The following TBC1D22A variants were observed in gnomAD, a reference collection of about 807,000 sequenced individuals.
TBC1D22A encodes putative GTPase activator.
In TBC1D22A, 38 loss-of-function variants were observed where a neutral mutation model predicts 60.2. The observed-to-expected ratio is 0.63, with a 90% CI of 0.49 to 0.83. TBC1D22A has a LOEUF of 0.83. Among genes scored for constraint, TBC1D22A ranks in the 40% least tolerant of loss-of-function variants. The pLI, the probability that TBC1D22A is intolerant of heterozygous loss-of-function variation, is 0.00. For synonymous variants in TBC1D22A, 302 were observed against 281.7 expected, an observed-to-expected ratio of 1.07 and a Z score of -0.72; for missense variants, 628 against 701.0, an observed-to-expected ratio of 0.90 and a Z score of 1.18.
intron 8 of TBC1D22A, among the ~76,000 whole-genome samples, chr22:46,954,202 C>G (rs2073067784): frequency 6.6e-6 from 1 of 152,210 alleles, no homozygotes; most frequent in African/African-American, 2.4e-5. Flanking sequence ...GGCCCCAGCC[C>G]CAGTCCCGCT....
intron 12 of TBC1D22A, among the ~76,000 whole-genome samples, chr22:47,122,272 C>T (rs2066297866): frequency 6.6e-6 from 1 of 152,170 alleles, no homozygotes; most frequent in African/African-American, 2.4e-5. Context: ...CTGTGCATTC[C>T]CTTTGGCTGA....
At chr22:46,812,160 G>A (rs1016125970) in intron 4 of TBC1D22A, among the ~76,000 whole-genome samples, 9 of 152,180 alleles carry the variant, frequency 5.9e-5, no homozygotes, top group Admixed American at 4.6e-4. Context: ...TGGAAGTGAC[G>A]TGGGGGTGAC....
At chr22:46,920,187 C>G (rs1371699653) in intron 8 of TBC1D22A, among the ~76,000 whole-genome samples, 2 of 152,122 alleles carry the variant, frequency 1.3e-5, no homozygotes, top group African/African-American at 4.8e-5. Context: ...TTAAGTGATG[C>G]TCCTACCTCA....
chr22:47,139,508 C>T lies in TBC1D22A; in HGVS notation c.1425+27905C>T, dbSNP rs141497553. Among the ~76,000 whole-genome samples, 399 of 152,356 alleles carry T rather than the reference C, an allele frequency of 2.6e-3. 2 individuals are homozygous for T. The highest frequency in any genetic ancestry group is 9.2e-3 in the African/African-American group (381 of 41,588). On this transcript the variant is annotated intron_variant, in intron 12 of 12. Coordinates refer to ENST00000337137, the MANE Select transcript of TBC1D22A (RefSeq NM_014346.5). ...GGCTCTGGTCTCCACCCAGCTCCTG[C>T]GTTCCCTCCTGTACATTGAGCAGAG...
At chr22:47,081,816 G>C (rs573036575) in intron 11 of TBC1D22A, among the ~76,000 whole-genome samples, 7,857 of 152,190 alleles carry the variant, frequency 0.052, 204 homozygotes, top group South Asian at 0.083. Context: ...CTAAACATAT[G>C]GTGAGATATA....
chr22:47,170,642 A>G (rs2068398507), intron 12 of TBC1D22A, among the ~76,000 whole-genome samples: 1 of 150,672 alleles, frequency 6.6e-6, no homozygotes, highest in Non-Finnish European at 1.5e-5. Flanking sequence ...GACCGGAGAG[A>G]GGACAGTCCT....
intron 10 of TBC1D22A, among the ~76,000 whole-genome samples, chr22:47,002,037 A>G (rs1322629454): frequency 6.6e-6 from 1 of 152,204 alleles, no homozygotes; most frequent in African/African-American, 2.4e-5. Context: ...ATTTCTATTA[A>G]TTGTCAATCT....
At chr22:46,863,607 C>G (rs538749207) in intron 4 of TBC1D22A, among the ~76,000 whole-genome samples, 1 of 152,248 alleles carries the variant, frequency 6.6e-6, no homozygotes, top group East Asian at 1.9e-4. Context: ...GGTCATCGTG[C>G]TTATCCCAAT....
At chr22:47,135,506 C>T (rs771221253) in intron 12 of TBC1D22A, among the ~76,000 whole-genome samples, 5 of 152,122 alleles carry the variant, frequency 3.3e-5, no homozygotes, top group Non-Finnish European at 7.4e-5. Flanking sequence ...ACACTTGGTG[C>T]CTTGGGCACT....
At chr22:46,825,984 G>A (rs894126028) in intron 4 of TBC1D22A, among the ~76,000 whole-genome samples, 4 of 150,726 alleles carry the variant, frequency 2.7e-5, no homozygotes, top group African/African-American at 7.3e-5. Flanking sequence ...CCGGGTTCAC[G>A]CCATTCTCCT....
At chr22:46,934,065 C>T (rs1418260537) in intron 8 of TBC1D22A, among the ~76,000 whole-genome samples, 1 of 152,142 alleles carries the variant, frequency 6.6e-6, no homozygotes, top group Non-Finnish European at 1.5e-5. Flanking sequence ...TTTATCTTCT[C>T]GAAAGGAAAA....
intron 8 of TBC1D22A, among the ~76,000 whole-genome samples, chr22:46,921,016 C>G (rs559880720): frequency 2.0e-5 from 3 of 152,248 alleles, no homozygotes; most frequent in South Asian, 4.1e-4. Flanking sequence ...AGTGATCCAC[C>G]CACCTCGGCC....
At chr22:47,021,971 G>A (rs1228204027) in intron 10 of TBC1D22A, among the ~76,000 whole-genome samples, 1 of 152,130 alleles carries the variant, frequency 6.6e-6, no homozygotes, top group African/African-American at 2.4e-5. Context: ...CTTACAGTGA[G>A]GGTCTCAGAA....
chr22:47,045,984 G>A (rs151179404), intron 11 of TBC1D22A, among the ~76,000 whole-genome samples: 2,021 of 152,336 alleles, frequency 0.013, 19 homozygotes, highest in Middle Eastern at 0.034. Flanking sequence ...TAGTGGGGAT[G>A]GCCCTGGGTG....
intron 12 of TBC1D22A, among the ~76,000 whole-genome samples, chr22:47,157,454 A>T (rs1023880194): frequency 2.0e-5 from 3 of 152,158 alleles, no homozygotes; most frequent in Non-Finnish European, 4.4e-5. Flanking sequence ...GTCTAGATGA[A>T]CTGAAGCTGT....
chr22:47,098,901 G>A (rs1168533799), intron 11 of TBC1D22A, among the ~76,000 whole-genome samples: 1 of 152,230 alleles, frequency 6.6e-6, no homozygotes, highest in Non-Finnish European at 1.5e-5. Flanking sequence ...AGGGTCTCTG[G>A]AGAGCCTGCA....
At position 47,175,639 on chromosome 22, in the gene TBC1D22A, G is replaced by GGT. The variant is rs1450727152; in HGVS notation, c.*2017_*2018dup. 1 of 152,226 alleles carries GGT rather than the reference G, an allele frequency of 6.6e-6. No individual in the cohort carries two copies. The allele number at this position is 152,226 out of a possible 1,614,324, so 9.4% of individuals were successfully genotyped here. On this transcript the variant is annotated 3_prime_UTR_variant, in exon 13 of 13. Coordinates refer to ENST00000337137, the MANE Select transcript of TBC1D22A (RefSeq NM_014346.5). The stretch of plus-strand genomic sequence containing the variant: ...GAGCAGATCCATCTGGAATGTTCGG[G>GGT]GTGTGCTGTCTGGATGTGGTGCGCT...
intron 10 of TBC1D22A, among the ~76,000 whole-genome samples, chr22:47,031,774 C>G (rs866359283): frequency 6.6e-6 from 1 of 152,110 alleles, no homozygotes; most frequent in Non-Finnish European, 1.5e-5. Context: ...TGTGTGCCCC[C>G]CTTCAGGAGC....
At chr22:46,915,187 A>T (rs892960235) in intron 8 of TBC1D22A, 2 of 352,108 alleles carry the variant, frequency 5.7e-6, no homozygotes, top group African/African-American at 4.3e-5. Context: ...TTGAACATTC[A>T]TTCTGGCAGC....
Sources: gnomAD v4.1 joint callset for allele counts (sites outside exome capture counted in the v4.1 genomes callset) on GRCh38, gnomAD v4.1.1 for gene constraint, MANE v1.5 for transcripts, NCBI Gene and HGNC (gene_info 2026-07-23, HGNC 2026-07-21) for gene names.